ZNF44: variants seen among roughly 807,000 people sequenced by gnomAD.
The protein encoded by ZNF44 is gonadotropin inducible transcription repressor-2.
Under a neutral mutation model 11.7 loss-of-function variants are expected in ZNF44, and 9 were observed. The ratio of observed to expected loss-of-function variants is 0.77; its 90% CI spans 0.46 to 1.35. The LOEUF is 1.35. ZNF44 is among the 40% of genes most tolerant of loss of function. The probability of loss-of-function intolerance (pLI) is 0.00; values close to 1 mark genes in which losing one functional copy is unlikely to be tolerated. For synonymous variants in ZNF44, 224 were observed against 242.7 expected (o/e 0.92, Z 0.72); for missense variants, 696 against 743.1 (o/e 0.94, Z 0.74).
intron 1 of ZNF44, chr19:12,293,082 G>A: frequency 1.3e-6 from 1 of 779,214 alleles, no homozygotes; most frequent in Admixed American, 3.1e-5. Flanking sequence ...GTTGGCCAGG[G>A]TGGTCTTGAA....
chr19:12,239,370 T>C (rs1316404184), upstream of ZNF44, among the ~76,000 whole-genome samples: 3 of 150,500 alleles, frequency 2.0e-5, no homozygotes, highest in Non-Finnish European at 4.4e-5. Flanking sequence ...TGCCTTGGCC[T>C]CCCAAAGTGC....
chr19:12,247,549 T>C (rs1916805700), downstream of ZNF44: 1 of 1,348,452 alleles, frequency 7.4e-7, no homozygotes, highest in Non-Finnish European at 9.9e-7. Context: ...GTGTGGGTTC[T>C]TTCATGTATC....
At chr19:12,238,673 G>T (rs2459010), upstream of ZNF44, among the ~76,000 whole-genome samples, 4,460 of 150,022 alleles carry the variant, frequency 0.03, 240 homozygotes, top group African/African-American at 0.1. Context: ...GCACGTGCCT[G>T]TAATCCCAGC....
At position 12,277,757 on chromosome 19, in the gene ZNF44, C is replaced by G. The variant is rs546362203; in HGVS notation, c.4-1675G>C. ...AGAACTCTGATCACCACAGAGTGTA[C>G]AGATCACATTTTGTTTCCACATTAT... On this transcript the variant is annotated intron_variant, in intron 1 of 3. Transcript: ENST00000355684. Among the ~76,000 whole-genome samples, 28 of 149,026 alleles carry G rather than the reference C, an allele frequency of 1.9e-4. No homozygotes were observed. The South Asian group carries it at 3.2e-3, about 17-fold the overall frequency.
intron 6 of ZNF44, chr19:12,250,057 A>G: frequency 7.8e-7 from 1 of 1,274,426 alleles, no homozygotes; most frequent in Non-Finnish European, 1.0e-6. Flanking sequence ...CAGACCCAGA[A>G]AAAATTATCA....
chr19:12,262,478 C>G (rs1259093542), intron 5 of ZNF44, among the ~76,000 whole-genome samples: 3 of 152,164 alleles, frequency 2.0e-5, no homozygotes, highest in African/African-American at 7.2e-5. Context: ...ACTGTGTTAG[C>G]CAGGATGGTT....
intron 1 of ZNF44, among the ~76,000 whole-genome samples, chr19:12,293,586 C>G (rs1968108680): frequency 1.3e-5 from 2 of 152,100 alleles, no homozygotes; most frequent in Non-Finnish European, 2.9e-5. Flanking sequence ...TATCTGAAAA[C>G]AAACGACAAA....
At chr19:12,248,805 C>T in intron 7 of ZNF44, 1 of 481,316 alleles carries the variant, frequency 2.1e-6, no homozygotes, top group African/African-American at 2.0e-5. Context: ...GTCTAAATTG[C>T]TTGTGAGGTG....
intron 5 of ZNF44, among the ~76,000 whole-genome samples, chr19:12,252,717 A>G (rs951674900): frequency 3.4e-4 from 52 of 151,916 alleles, no homozygotes; most frequent in African/African-American, 1.2e-3. Flanking sequence ...CTCAAGGGCA[A>G]CCATTAAAAT....
chr19:12,271,175 G>A (rs1220238270), downstream of ZNF44, among the ~76,000 whole-genome samples: 1 of 152,156 alleles, frequency 6.6e-6, no homozygotes, highest in Non-Finnish European at 1.5e-5. Context: ...CAAGTTGCAA[G>A]TGTTAAAGAT....
chr19:12,271,740 G>A (rs1966954945), downstream of ZNF44: 1 of 152,156 alleles, frequency 6.6e-6, no homozygotes, highest in East Asian at 1.9e-4. Flanking sequence ...GCAATGGTTG[G>A]GTCTGTACTG....
At chr19:12,261,413 C>T (rs1254884314) in intron 5 of ZNF44, among the ~76,000 whole-genome samples, 2 of 152,222 alleles carry the variant, frequency 1.3e-5, no homozygotes, top group South Asian at 2.1e-4. Context: ...AGTGGAGGAT[C>T]GCTTGAGCCC....
At chr19:12,250,906 C>A (rs757086239) in intron 5 of ZNF44, 3 of 425,912 alleles carry the variant, frequency 7.0e-6, no homozygotes, top group Non-Finnish European at 1.4e-5. Flanking sequence ...GTAGTCAGAT[C>A]CAGCCAATTC....
intron 2 of ZNF44, among the ~76,000 whole-genome samples, chr19:12,231,751 A>G (rs1255813302): frequency 1.3e-5 from 2 of 152,248 alleles, no homozygotes; most frequent in Non-Finnish European, 2.9e-5. Context: ...GATCTCAGAT[A>G]GTATTGTTAG....
chr19:12,289,876 C>T (rs1967935381), intron 1 of ZNF44, among the ~76,000 whole-genome samples: 2 of 151,998 alleles, frequency 1.3e-5, no homozygotes, highest in Non-Finnish European at 2.9e-5. Flanking sequence ...TGCAATCCGC[C>T]TGCCTCGACC....
intron 1 of ZNF44, among the ~76,000 whole-genome samples, chr19:12,294,431 G>A (rs138940384): frequency 1.7e-3 from 255 of 152,362 alleles, no homozygotes; most frequent in African/African-American, 5.8e-3. Flanking sequence ...GCGGGGCTGA[G>A]GGCGCGGAGC....
intron 1 of ZNF44, among the ~76,000 whole-genome samples, chr19:12,288,106 C>T (rs1430694782): frequency 6.6e-6 from 1 of 152,054 alleles, no homozygotes; most frequent in Non-Finnish European, 1.5e-5. Flanking sequence ...TTCCACAGAC[C>T]CCACAAATTG....
chr19:12,235,033 G>A (rs1916325284), intron 1 of ZNF44: 5 of 152,252 alleles, frequency 3.3e-5, no homozygotes. Flanking sequence ...GTGAAATGCA[G>A]TTTTATAGAT....
In ZNF44 at chr19:12,293,137, T is replaced by C. The variant is rs151281229; in HGVS notation, c.3+1555A>G. 1.4e-3 allele frequency: 2,039 copies of C among 1,413,044 alleles called. 27 individuals carry two copies. In the African/African-American group the frequency reaches 0.026, roughly 18 times the overall value. The allele number at this position is 1,413,044 out of a possible 1,614,324, so 87.5% of individuals were successfully genotyped here. On this transcript the variant is annotated intron_variant, in intron 1 of 3. Transcript: ENST00000355684. The stretch of plus-strand genomic sequence containing the variant: ...CGCCCGCCTCGGCTTCCCAAAGTGC[T>C]GGGATTACAGGCGTGAGCCACCGCG...
Sources: gnomAD v4.1 joint callset for allele counts (sites outside exome capture counted in the v4.1 genomes callset) on GRCh38, gnomAD v4.1.1 for gene constraint, MANE v1.5 for transcripts, NCBI Gene and HGNC (gene_info 2026-07-23, HGNC 2026-07-21) for gene names.